PCCA: variants seen among roughly 807,000 people sequenced by gnomAD.
The protein encoded by PCCA is propionyl-CoA carboxylase alpha chain, mitochondrial.
A neutral mutation model predicts 101.3 loss-of-function variants in PCCA; 74 were observed. That is an observed-to-expected ratio of 0.73 (90% CI 0.61 to 0.89). The LOEUF (loss-of-function observed/expected upper bound fraction) is 0.89. Among genes scored for constraint, PCCA ranks in the 40% least tolerant of loss-of-function variants. The pLI is 0.00. For synonymous variants in PCCA, 294 were observed against 313.6 expected (o/e 0.94, Z 0.66); for missense variants, 891 against 907.0 (o/e 0.98, Z 0.23).
chr13:100,260,038 G>A (rs2062377685), intron 9 of PCCA, among the ~76,000 whole-genome samples: 1 of 152,084 alleles, frequency 6.6e-6, no homozygotes, highest in African/African-American at 2.4e-5. Flanking sequence ...GGGTTTAAAT[G>A]CAAAATGAAA....
intron 21 of PCCA, among the ~76,000 whole-genome samples, chr13:100,483,628 T>A (rs1246180280): frequency 6.6e-6 from 1 of 152,230 alleles, no homozygotes; most frequent in East Asian, 1.9e-4. Flanking sequence ...GGTACTTTAT[T>A]GAGAAATAGA....
In PCCA at chr13:100,314,356, C is replaced by A. The variant is rs182771347; in HGVS notation, c.1429+4448C>A. On this transcript the variant is annotated intron_variant, in intron 16 of 23. Transcript: ENST00000376285. ...CCGTGTGTTCAGCAACCCACAAGTC[C>A]TCTGATCCTTGTCCTTGGGTTTTTA... is the stretch of plus-strand genomic sequence containing the variant. Among the ~76,000 whole-genome samples the A allele has an allele frequency of 1.8e-4, 28 of 152,242 alleles. 1 individual carries two copies. In the East Asian group the frequency reaches 5.4e-3, roughly 29 times the overall value.
At chr13:100,311,951 C>T (rs757792723) in intron 16 of PCCA, among the ~76,000 whole-genome samples, 2 of 152,014 alleles carry the variant, frequency 1.3e-5, no homozygotes, top group African/African-American at 2.4e-5. Flanking sequence ...GAGAATTTAC[C>T]GTCACTGTAA....
chr13:100,513,366 A>T (rs1159419315), intron 21 of PCCA, among the ~76,000 whole-genome samples: 1 of 152,268 alleles, frequency 6.6e-6, no homozygotes, highest in African/African-American at 2.4e-5. Context: ...ATTTAAGAAC[A>T]ATAAACAAAT....
chr13:100,391,832 A>G (rs1043200655), intron 19 of PCCA, among the ~76,000 whole-genome samples: 1 of 152,190 alleles, frequency 6.6e-6, no homozygotes, highest in Non-Finnish European at 1.5e-5. Context: ...ATAAATAAAT[A>G]CATTAACATC....
chr13:100,402,360 G>A (rs1342989423), intron 19 of PCCA, among the ~76,000 whole-genome samples: 3 of 151,860 alleles, frequency 2.0e-5, no homozygotes, highest in Non-Finnish European at 2.9e-5. Context: ...GAGCCACGAT[G>A]CTTGTGTCAG....
rs2087780009 is a variant in PCCA, at chr13:100,526,057, G to A, written c.2041-1618G>A. On this transcript the variant is annotated intron_variant, in intron 22 of 23. Coordinates refer to ENST00000376285, the MANE Select transcript of PCCA (RefSeq NM_000282.4). ...AAGAGGACACGGCCAGGCTTCCAGGGTCCCCTGTGTGGAGCTGGCTGGCAG... is the reference window on the plus strand; with the variant it reads ...AAGAGGACACGGCCAGGCTTCCAGGATCCCCTGTGTGGAGCTGGCTGGCAG... 2.0e-5 allele frequency among the ~76,000 whole-genome samples: 3 copies of A among 152,234 alleles called. No individual in the cohort carries two copies. The South Asian group carries it at 6.2e-4, about 31-fold the overall frequency.
chr13:100,420,702 G>C (rs753693822), intron 19 of PCCA, among the ~76,000 whole-genome samples: 2 of 152,226 alleles, frequency 1.3e-5, no homozygotes, highest in Non-Finnish European at 1.5e-5. Flanking sequence ...ATGAGGAAGA[G>C]AGATTATCTG....
intron 4 of PCCA, among the ~76,000 whole-genome samples, chr13:100,136,295 C>T (rs917944983): frequency 4.7e-5 from 7 of 150,348 alleles, no homozygotes; most frequent in African/African-American, 1.2e-4. Flanking sequence ...AAGTGATTCT[C>T]CTGCCTCAGC....
chr13:100,454,893 A>T lies in PCCA; in HGVS notation c.1899+5588A>T, dbSNP rs138681665. ...AAACAAATCTCATTACTTTAAAAAAAATGCTTGTATTAGATATTATATATA... is the reference window on the plus strand; with the variant it reads ...AAACAAATCTCATTACTTTAAAAAATATGCTTGTATTAGATATTATATATA... On this transcript the variant is annotated intron_variant, in intron 21 of 23. Transcript: ENST00000376285. 2.3e-3 allele frequency among the ~76,000 whole-genome samples: 353 copies of T among 152,302 alleles called. 1 individual carries two copies. The highest frequency in any genetic ancestry group is 8.1e-3 in the African/African-American group (336 of 41,572).
chr13:100,288,355 G>A (rs911724226), intron 12 of PCCA, among the ~76,000 whole-genome samples: 4 of 152,180 alleles, frequency 2.6e-5, no homozygotes, highest in African/African-American at 9.7e-5. Flanking sequence ...GGAGTGCAGT[G>A]GTGAGATCCT....
At chr13:100,326,706 C>T (rs2068727065) in intron 16 of PCCA, among the ~76,000 whole-genome samples, 1 of 151,956 alleles carries the variant, frequency 6.6e-6, no homozygotes, top group Non-Finnish European at 1.5e-5. Context: ...TCTACTCAAC[C>T]TGAAGAGGAG....
At chr13:100,350,656 G>A (rs2073157046) in intron 18 of PCCA, among the ~76,000 whole-genome samples, 2 of 152,262 alleles carry the variant, frequency 1.3e-5, no homozygotes, top group South Asian at 4.2e-4. Context: ...TTTTTATTTT[G>A]ATCCTACTAT....
chr13:100,529,856 T>C (rs906432466), intron 23 of PCCA, among the ~76,000 whole-genome samples: 1 of 151,990 alleles, frequency 6.6e-6, no homozygotes, highest in Non-Finnish European at 1.5e-5. Flanking sequence ...CCAGCCACTG[T>C]GAGGGTGCCG....
intron 7 of PCCA, among the ~76,000 whole-genome samples, chr13:100,210,991 A>G (rs999324383): frequency 6.6e-6 from 1 of 152,136 alleles, no homozygotes; most frequent in Non-Finnish European, 1.5e-5. Context: ...CTCCAAATGT[A>G]TTCTTTATAG....
At chr13:100,144,942 C>T (rs1240571339) in intron 4 of PCCA, among the ~76,000 whole-genome samples, 1 of 152,190 alleles carries the variant, frequency 6.6e-6, no homozygotes, top group Non-Finnish European at 1.5e-5. Context: ...ATGGGAGCAG[C>T]TCCAGAGGAG....
At chr13:100,382,329 C>A (rs2076275364) in intron 19 of PCCA, among the ~76,000 whole-genome samples, 1 of 152,148 alleles carries the variant, frequency 6.6e-6, no homozygotes, top group Non-Finnish European at 1.5e-5. Context: ...GAAGTCAAGT[C>A]CCTTCTCTCC....
At chr13:100,106,924 A>G (rs574909351) in intron 2 of PCCA, among the ~76,000 whole-genome samples, 20 of 152,260 alleles carry the variant, frequency 1.3e-4, no homozygotes, top group African/African-American at 4.8e-4. Context: ...GCACCTATTC[A>G]TAGTACAGGT....
At chr13:100,448,839 A>G (rs2081023819) in intron 20 of PCCA, among the ~76,000 whole-genome samples, 1 of 152,242 alleles carries the variant, frequency 6.6e-6, no homozygotes, top group Non-Finnish European at 1.5e-5. Flanking sequence ...GTTACAGTTT[A>G]GTGGTTTGTA....
Sources: gnomAD v4.1 joint callset for allele counts (sites outside exome capture counted in the v4.1 genomes callset) on GRCh38, gnomAD v4.1.1 for gene constraint, MANE v1.5 for transcripts, NCBI Gene and HGNC (gene_info 2026-07-23, HGNC 2026-07-21) for gene names.